SNX22: variants seen among roughly 807,000 people sequenced by gnomAD.
SNX22 encodes the protein sorting nexin 22, also known as sorting nexin-22.
In SNX22, 23 loss-of-function variants were observed where a neutral mutation model predicts 24.7. That is an observed-to-expected ratio of 0.93 (90% CI 0.67 to 1.32). The LOEUF (loss-of-function observed/expected upper bound fraction) is 1.32. Among genes scored for constraint, SNX22 ranks in the 40% most tolerant of loss-of-function variants. SNX22 has a pLI of 0.00. For missense variants in SNX22, 261 were observed against 249.9 expected, an observed-to-expected ratio of 1.04 and a Z score of -0.30; for synonymous variants, 99 against 104.0, an observed-to-expected ratio of 0.95 and a Z score of 0.29.
intron 1 of SNX22, 92 bp downstream of exon 1, chr15:64,151,942 G>A: frequency 7.9e-7 from 1 of 1,258,550 alleles, no homozygotes. Flanking sequence ...GGGCCTGGGT[G>A]AACGAGCGCT....
chr15:64,154,676 T>C lies in SNX22; in HGVS notation c.*168T>C. The C allele has an allele frequency of 1.2e-6, 1 of 830,174 alleles. No individual in the cohort carries two copies. The highest frequency in any genetic ancestry group is 2.0e-5 in the South Asian group (1 of 50,118). 51.4% of individuals were successfully genotyped at this position (830,174 alleles called of 1,614,324 possible). On this transcript the variant is annotated 3_prime_UTR_variant, in exon 7 of 7. Transcript: ENST00000325881. ...TCAGAACTTGGCTCGCATTGGTAGCTGGAGGTGGTAGAATTTGTATGCTCT... is the reference window on the plus strand; with the variant it reads ...TCAGAACTTGGCTCGCATTGGTAGCCGGAGGTGGTAGAATTTGTATGCTCT...
At chr15:64,153,823 C>T (rs567919998) in intron 5 of SNX22, 112 bp from the exon 6 acceptor site, 1 of 1,591,960 alleles carries the variant, frequency 6.3e-7, no homozygotes, top group East Asian at 2.2e-5. Context: ...AGCCCATTTC[C>T]CACTCACCTT....
intron 4 of SNX22, 153 bp downstream of exon 4, chr15:64,153,492 G>C (rs2081502318): frequency 6.8e-7 from 1 of 1,475,410 alleles, no homozygotes. Flanking sequence ...GCTTTTTTTT[G>C]GACAGACTTG....
Position 64,156,748 on chromosome 15 carries a change from ACAC to A in SNX22, c.*2244_*2246del. On this transcript the variant is annotated 3_prime_UTR_variant, in exon 7 of 7. Transcript: ENST00000325881. This position sits in a 1 kb window ranked among gnomAD's most constrained non-coding sequence, Gnocchi z 6.4. Reference sequence around the variant, plus strand: ...ACCATGCCCTCTAGAACTTTGCCAAACACCACATGCTTGCCATCTAGCCAGGCT... The same window carrying A: ...ACCATGCCCTCTAGAACTTTGCCAAACACATGCTTGCCATCTAGCCAGGCT... The A allele has an allele frequency of 6.2e-7, 1 of 1,614,132 alleles. No individual in the cohort carries two copies. Among genetic ancestry groups the A allele is most frequent in the Non-Finnish European group, 8.5e-7 (1 of 1,180,024 alleles).
intron 4 of SNX22, 43 bp from the exon 5 acceptor site, chr15:64,153,609 C>T (rs776532667): frequency 2.5e-6 from 4 of 1,613,680 alleles, no homozygotes; most frequent in Non-Finnish European, 3.4e-6. Context: ...CTCACGCTCC[C>T]CCGGCATCCC....
Position 64,152,652 on chromosome 15 carries a change from C to T in SNX22, c.174C>T (p.Tyr58=). The T allele has an allele frequency of 6.2e-7, 1 of 1,614,200 alleles. No individual in the cohort carries two copies. The highest frequency in any genetic ancestry group is 2.2e-5 in the East Asian group (1 of 44,874). Residue 58 remains tyrosine, a synonymous_variant, in exon 3 of 7, where the codon TAC becomes TAT. Transcript: ENST00000325881. ...HALHKRIKKL[Y]KVPDFPSKRL... ...ACCTCCAGTAGATCAAGAAGCTGTA[C>T]AAAGTGCCCGACTTCCCCTCGAAAC...
At position 64,154,808 on chromosome 15, in the gene SNX22, T is replaced by C; in HGVS notation, c.*300T>C. The C allele has an allele frequency of 4.2e-6, 1 of 237,088 alleles. No homozygotes were observed. The highest frequency in any genetic ancestry group is 7.4e-5 in the South Asian group (1 of 13,586). The allele number at this position is 237,088 out of a possible 1,614,324, so 14.7% of individuals were successfully genotyped here. On this transcript the variant is annotated 3_prime_UTR_variant, in exon 7 of 7. Coordinates refer to ENST00000325881, the MANE Select transcript of SNX22 (RefSeq NM_024798.3). ...ATCCCAGCACTTTGGGAGGCCAAGA[T>C]GGGTGGATCACCTGAAGTCAGGAGT... is the stretch of plus-strand genomic sequence containing the variant.
chr15:64,156,951 C>T lies in SNX22; in HGVS notation c.*2443C>T. On this transcript the variant is annotated 3_prime_UTR_variant, in exon 7 of 7. Coordinates refer to ENST00000325881, the MANE Select transcript of SNX22 (RefSeq NM_024798.3). The surrounding 1 kb of genome is among the most constrained non-coding windows in gnomAD (Gnocchi z 6.4). The stretch of plus-strand genomic sequence containing the variant: ...AGCAGGTCAGGGGCGCTGGATTGCG[C>T]CAAACCAAGCAGACATTCGGGGCCA... 1.3e-6 allele frequency: 2 copies of T among 1,599,748 alleles called. No homozygotes were observed. The highest frequency in any genetic ancestry group is 1.7e-6 in the Non-Finnish European group (2 of 1,168,258).
In SNX22 at chr15:64,152,484, T is replaced by G. The variant is rs780124845; in HGVS notation, c.160-154T>G. 5 of 1,192,662 alleles carry G rather than the reference T, an allele frequency of 4.2e-6. No individual in the cohort carries two copies. The African/African-American group carries it at 7.5e-5, about 18-fold the overall frequency. 73.9% of individuals were successfully genotyped at this position (1,192,662 alleles called of 1,614,324 possible). A position where few individuals can be genotyped will look rare whatever the true frequency, so the allele number is the denominator to read the frequency against. ...AGCCCCCGGGCCTCTGTGGGTGGGTTGGGGCCTTCCTCGCCCTCGGCCGGT... is the reference window on the plus strand; with the variant it reads ...AGCCCCCGGGCCTCTGTGGGTGGGTGGGGGCCTTCCTCGCCCTCGGCCGGT... On this transcript the variant is annotated intron_variant, in intron 2 of 6. Transcript: ENST00000325881.
chr15:64,151,989 T>G, intron 1 of SNX22, 139 bp downstream of exon 1: 1 of 932,194 alleles, frequency 1.1e-6, no homozygotes, highest in Non-Finnish European at 1.5e-6. Flanking sequence ...TGTCGAGGGT[T>G]TGGGGGCCGC....
chr15:64,156,233 G>C lies in SNX22; in HGVS notation c.*1725G>C, dbSNP rs886972785. 7.8e-6 allele frequency: 12 copies of C among 1,535,266 alleles called. No homozygotes were observed. The highest frequency in any genetic ancestry group is 2.1e-4 in the Middle Eastern group (1 of 4,814). On this transcript the variant is annotated 3_prime_UTR_variant, in exon 7 of 7. Coordinates refer to ENST00000325881, the MANE Select transcript of SNX22 (RefSeq NM_024798.3). The surrounding 1 kb of genome is among the most constrained non-coding windows in gnomAD (Gnocchi z 6.4). ...AGGCCCCAGCGTATGGCTCAGGAGGGCTAAGACCCACAAGTGATCAACAGC... is the reference window on the plus strand; with the variant it reads ...AGGCCCCAGCGTATGGCTCAGGAGGCCTAAGACCCACAAGTGATCAACAGC...
chr15:64,154,632 C>T lies in SNX22; in HGVS notation c.*124C>T, dbSNP rs1486279376. 9 of 1,259,106 alleles carry T rather than the reference C, an allele frequency of 7.1e-6. No individual in the cohort carries two copies. In the Admixed American group the frequency reaches 2.1e-4, roughly 29 times the overall value. 78.0% of individuals were successfully genotyped at this position (1,259,106 alleles called of 1,614,324 possible). On this transcript the variant is annotated 3_prime_UTR_variant, in exon 7 of 7. Coordinates refer to ENST00000325881, the MANE Select transcript of SNX22 (RefSeq NM_024798.3). ...CTTAATTACCCAGTGCCCAGTTGTG[C>T]CACATTCCCACTCAAGGCTCAGAAC...
chr15:64,154,055 T>C (rs1228701429), intron 6 of SNX22, 53 bp downstream of exon 6: 1 of 1,613,952 alleles, frequency 6.2e-7, no homozygotes, highest in Admixed American at 1.7e-5. Context: ...GGCTTTGCAT[T>C]TCTCGGCTCC....
chr15:64,153,704 C>T lies in SNX22; in HGVS notation c.392+20C>T, dbSNP rs2081504170. 1.9e-6 allele frequency: 3 copies of T among 1,614,018 alleles called. No homozygotes were observed. Among genetic ancestry groups the T allele is most frequent in the East Asian group, 2.2e-5 (1 of 44,880 alleles). ...CAGCAGGCAAGTCAAAGCCCTAGCC[C>T]GCGCTTGGCCCCTGCTGCCCCCTAG... On this transcript the variant is annotated intron_variant, in intron 5 of 6. Coordinates refer to ENST00000325881, the MANE Select transcript of SNX22 (RefSeq NM_024798.3).
At chr15:64,153,885 A>G (rs2081505377) in intron 5 of SNX22, 50 bp from the exon 6 acceptor site, 1 of 1,595,876 alleles carries the variant, frequency 6.3e-7, no homozygotes, top group South Asian at 1.1e-5. Flanking sequence ...CCTCTGTGGG[A>G]TTCTGCCCTG....
intron 4 of SNX22, 82 bp downstream of exon 4, chr15:64,153,421 T>C: frequency 6.3e-7 from 1 of 1,590,846 alleles, no homozygotes; most frequent in Non-Finnish European, 8.6e-7. Flanking sequence ...GCCCTTTCTT[T>C]TCACATCTGC....
rs770491405 is a variant in SNX22, at chr15:64,154,437, T to C, written c.511T>C (p.Phe171Leu). ...VNGVLQGLYS[F>L]SISPDKAQPK... ...TGGTGTGCTCCAGGGCCTCTACAGCTTCAGCATCAGCCCAGATAAAGCCCA... is the reference window on the plus strand; with the variant it reads ...TGGTGTGCTCCAGGGCCTCTACAGCCTCAGCATCAGCCCAGATAAAGCCCA... Residue 171 changes from phenylalanine (F) to leucine (L), a missense_variant, in exon 7 of 7, where the codon TTC becomes CTC. Transcript: ENST00000325881. 2 of 1,614,116 alleles carry C rather than the reference T, an allele frequency of 1.2e-6. No homozygotes were observed. Among genetic ancestry groups the C allele is most frequent in the Non-Finnish European group, 1.7e-6 (2 of 1,180,012 alleles).
At chr15:64,152,352 G>A in intron 2 of SNX22, 26 bp downstream of exon 2, 1 of 1,495,926 alleles carries the variant, frequency 6.7e-7, no homozygotes, top group Non-Finnish European at 8.8e-7. Context: ...CCTCCCACCG[G>A]CCCCGGCCCA....
intron 6 of SNX22, 121 bp from the exon 7 acceptor site, chr15:64,154,266 T>G: frequency 6.3e-7 from 1 of 1,579,610 alleles, no homozygotes; most frequent in Non-Finnish European, 8.6e-7. Flanking sequence ...TCATTTGGGG[T>G]GGACAGCTGC....
Sources: allele counts gnomAD v4.1 joint callset, GRCh38; gene constraint gnomAD v4.1.1; non-coding constraint Gnocchi (gnomAD v3.1); transcripts MANE v1.5; gene names NCBI Gene and HGNC (gene_info 2026-07-23, HGNC 2026-07-21).